LRRC3C: variants seen among roughly 807,000 people sequenced by gnomAD.
LRRC3C encodes leucine-rich repeat-containing protein 3C.
LRRC3C carries 11 observed loss-of-function variants against 14.8 expected under a neutral mutation model. The observed-to-expected ratio is 0.74, with a 90% CI of 0.47 to 1.23. LRRC3C has a LOEUF of 1.23. LRRC3C is among the 50% of genes most tolerant of loss of function. The probability of loss-of-function intolerance (pLI) is 0.00; values close to 1 mark genes in which losing one functional copy is unlikely to be tolerated. For synonymous variants in LRRC3C, 149 were observed against 161.5 expected (o/e 0.92, Z 0.59); for missense variants, 354 against 361.8 (o/e 0.98, Z 0.18).
At chr17:39,938,663 T>C (rs533449260) in intron 2 of LRRC3C, among the ~76,000 whole-genome samples, 1 of 151,724 alleles carries the variant, frequency 6.6e-6, no homozygotes, top group East Asian at 1.9e-4. Context: ...GTGTTTGCAT[T>C]CCAGCCCGGG....
In LRRC3C at chr17:39,944,458, C is replaced by T. The variant is rs995664276; in HGVS notation, c.552C>T (p.Gly184=). 2.7e-6 allele frequency: 4 copies of T among 1,487,562 alleles called. No homozygotes were observed. In the African/African-American group the frequency reaches 5.6e-5, roughly 21 times the overall value. 92.1% of individuals were successfully genotyped at this position (1,487,562 alleles called of 1,614,324 possible). Residue 184 remains glycine (G), a synonymous_variant, in exon 4 of 4, where the codon GGC becomes GGT. Coordinates refer to ENST00000377924, the MANE Select transcript of LRRC3C (RefSeq NM_001195545.2). ...QVRLVPGTGT[G]IVCGSGARPD... ...GGCTGGTGCCGGGCACTGGGACAGG[C>T]ATCGTGTGTGGCTCAGGAGCCCGAC...
chr17:39,944,668 C>T lies in LRRC3C; in HGVS notation c.762C>T (p.Ser254=). 3 of 1,536,018 alleles carry T rather than the reference C, an allele frequency of 2.0e-6. No homozygotes were observed. Among genetic ancestry groups the T allele is most frequent in the Non-Finnish European group, 2.6e-6 (3 of 1,146,900 alleles). The change falls in exon 4 of 4, where the codon TCC becomes TCT. Residue 254 remains serine, a synonymous_variant. Coordinates refer to ENST00000377924, the MANE Select transcript of LRRC3C (RefSeq NM_001195545.2). ...AGAACCGAGATGAGACCAGGCGCTC[C>T]CTCAAGCGGGCCCCAGTGCTGCCCG... ...VWQNRDETRR[S]LKRAPVLPVR...
intron 1 of LRRC3C, among the ~76,000 whole-genome samples, chr17:39,931,142 C>CA (rs780151052): frequency 0.023 from 2,720 of 118,520 alleles, 79 homozygotes; most frequent in African/African-American, 0.079. Flanking sequence ...AACTTCATCT[C>CA]AAAAAAAAAA....
rs1199964968 is a variant in LRRC3C at position 39,944,615 on chromosome 17, GT to G, written c.710del (p.Val237GlyfsTer86). ...VTMGGWLTLMVAYLVHYVWQN... is the reference protein window; with the variant it reads ...VTMGGWLTLMXAYLVHYVWQN... ...CATGGGGGGCTGGCTGACACTCATG[GT>G]GGCTTATCTGGTGCATTATGTGTGG... On this transcript the variant is annotated frameshift_variant, in exon 4 of 4. Coordinates refer to ENST00000377924, the MANE Select transcript of LRRC3C (RefSeq NM_001195545.2). LOFTEE classifies it high-confidence loss of function. The G allele has an allele frequency of 6.5e-7, 1 of 1,535,944 alleles. No individual in the cohort carries two copies. The highest frequency in any genetic ancestry group is 2.4e-5 in the East Asian group (1 of 40,898).
chr17:39,932,599 G>C (rs1406217643), intron 1 of LRRC3C, among the ~76,000 whole-genome samples: 1 of 144,216 alleles, frequency 6.9e-6, no homozygotes, highest in African/African-American at 2.6e-5. Context: ...GCATGTTCCC[G>C]TAGTCCCAGC....
Position 39,944,484 on chromosome 17 carries a change from C to T in LRRC3C, c.578C>T (p.Pro193Leu), listed in dbSNP as rs564368868. 16 of 1,474,818 alleles carry T rather than the reference C, an allele frequency of 1.1e-5. No individual in the cohort carries two copies. The highest frequency in any genetic ancestry group is 1.3e-5 in the South Asian group (1 of 75,110). 91.4% of individuals were successfully genotyped at this position (1,474,818 alleles called of 1,614,324 possible). Residue 193 changes from proline to leucine, a missense_variant, in exon 4 of 4, where the codon CCG (proline) becomes CTG (leucine). Physicochemically the swap from Pro to Leu is moderately conservative, Grantham distance 98. Coordinates refer to ENST00000377924, the MANE Select transcript of LRRC3C (RefSeq NM_001195545.2). ...TGIVCGSGAR[P>L]DLVGQEFLLL... is the part of the protein sequence containing the mutation. ...ATCGTGTGTGGCTCAGGAGCCCGAC[C>T]GGACCTCGTGGGGCAGGAGTTCCTG...
chr17:39,935,867 C>T lies in LRRC3C; in HGVS notation c.-109C>T, dbSNP rs934871956. The stretch of plus-strand genomic sequence containing the variant: ...AACTGCCCAGTAACCTGGCATTAGA[C>T]GGGTCCCTGGCTGACCTGATAAAGA... On this transcript the variant is annotated 5_prime_UTR_variant, in exon 2 of 4. In the 5' UTR this introduces an upstream ATG that the reference lacks. Transcript: ENST00000377924. 7.3e-5 allele frequency: 72 copies of T among 985,310 alleles called. No homozygotes were observed. The highest frequency in any genetic ancestry group is 5.2e-4 in the Middle Eastern group (1 of 1,936). The allele number at this position is 985,310 out of a possible 1,614,324, so 61.0% of individuals were successfully genotyped here.
chr17:39,931,186 C>T (rs35557848), intron 1 of LRRC3C, among the ~76,000 whole-genome samples: 24,249 of 150,324 alleles, frequency 0.16, 2,613 homozygotes, highest in Non-Finnish European at 0.23. Context: ...TTGGATCACA[C>T]CTGTAATCCC....
rs28575492 is a variant in LRRC3C at position 39,933,711 on chromosome 17, C to A, written c.-174-2091C>A. On this transcript the variant is annotated intron_variant, in intron 1 of 3. Coordinates refer to ENST00000377924, the MANE Select transcript of LRRC3C (RefSeq NM_001195545.2). ...TGGCGCCACAGCACTCCAGCCTGGG[C>A]GACAGAGCAAGACTCCGTCTCAAAA... Among the ~76,000 whole-genome samples, 667 of 151,984 alleles carry A rather than the reference C, an allele frequency of 4.4e-3. 2 individuals are homozygous for A. The highest frequency in any genetic ancestry group is 0.015 in the African/African-American group (637 of 41,464).
At position 39,941,453 on chromosome 17, in the gene LRRC3C, C is replaced by A; in HGVS notation, c.-71C>A. The stretch of plus-strand genomic sequence containing the variant: ...TTATTTTGCACTCAGCTCTACAATT[C>A]CGTGTCCAGTCCTGGTCACCCATAG... On this transcript the variant is annotated 5_prime_UTR_variant, in exon 3 of 4. Coordinates refer to ENST00000377924, the MANE Select transcript of LRRC3C (RefSeq NM_001195545.2). The A allele has an allele frequency of 7.7e-7, 1 of 1,291,932 alleles. No homozygotes were observed. The highest frequency in any genetic ancestry group is 1.1e-6 in the Non-Finnish European group (1 of 925,844). The allele number at this position is 1,291,932 out of a possible 1,614,324, so 80.0% of individuals were successfully genotyped here. A position where few individuals can be genotyped will look rare whatever the true frequency, so the allele number is the denominator to read the frequency against.
At chr17:39,931,155 A>AT (rs1468116082) in intron 1 of LRRC3C, among the ~76,000 whole-genome samples, 2 of 150,472 alleles carry the variant, frequency 1.3e-5, no homozygotes, top group East Asian at 3.9e-4. Flanking sequence ...AAAAAAAAAA[A>AT]GTCTTCCTTG....
rs1452398124 is a variant in LRRC3C, at chr17:39,943,981, A to T, written c.75A>T (p.Thr25=). ...GLCQFMAMLP[T]AGHLLPLLLV... ...GCCAATTTATGGCCATGCTCCCAAC[A>T]GCAGGTCACCTCCTGCCCCTCCTGC... Residue 25 remains threonine, a synonymous_variant, in exon 4 of 4, where the codon ACA becomes ACT. Transcript: ENST00000377924. 4.6e-6 allele frequency: 7 copies of T among 1,536,002 alleles called. No individual in the cohort carries two copies. The highest frequency in any genetic ancestry group is 2.0e-5 in the Admixed American group (1 of 50,984).
At chr17:39,933,719 C>A (rs920755255) in intron 1 of LRRC3C, among the ~76,000 whole-genome samples, 7 of 151,944 alleles carry the variant, frequency 4.6e-5, no homozygotes, top group Non-Finnish European at 1.0e-4. Flanking sequence ...GGCGACAGAG[C>A]AAGACTCCGT....
rs558201673 is a variant in LRRC3C, at chr17:39,930,203, G to A, written c.-175+2389G>A. Reference sequence around the variant, plus strand: ...TGAGGTGGGAGGATCAATTGAGCCCGGGAGGTCAAGGCTGCAGTGAGCTGT... The same window carrying A: ...TGAGGTGGGAGGATCAATTGAGCCCAGGAGGTCAAGGCTGCAGTGAGCTGT... On this transcript the variant is annotated intron_variant, in intron 1 of 3. Transcript: ENST00000377924. 7.7e-4 allele frequency among the ~76,000 whole-genome samples: 113 copies of A among 146,394 alleles called. No individual in the cohort carries two copies. The Middle Eastern group carries it at 0.011, about 14-fold the overall frequency.
chr17:39,933,822 A>T (rs1978724166), intron 1 of LRRC3C, among the ~76,000 whole-genome samples: 1 of 152,142 alleles, frequency 6.6e-6, no homozygotes, highest in African/African-American at 2.4e-5. Context: ...CTCCTCCCCC[A>T]CCTGCTTCCT....
intron 2 of LRRC3C, among the ~76,000 whole-genome samples, chr17:39,936,966 AT>A (rs150802119): frequency 0.073 from 11,020 of 151,930 alleles, 532 homozygotes; most frequent in South Asian, 0.17. Context: ...TATTAAAAAA[AT>A]AATAACATTA....
chr17:39,932,682 T>A (rs1369522252), intron 1 of LRRC3C, among the ~76,000 whole-genome samples: 2 of 151,296 alleles, frequency 1.3e-5, no homozygotes, highest in Non-Finnish European at 2.9e-5. Context: ...ATGATCTCGC[T>A]AGGAATTCGA....
At chr17:39,937,085 C>T (rs770532759) in intron 2 of LRRC3C, among the ~76,000 whole-genome samples, 23 of 146,742 alleles carry the variant, frequency 1.6e-4, no homozygotes, top group Non-Finnish European at 2.9e-4. Flanking sequence ...TGCAGTGAGC[C>T]GAGATCAAGC....
chr17:39,938,921 G>T (rs6503525), intron 2 of LRRC3C, among the ~76,000 whole-genome samples: 1 of 151,558 alleles, frequency 6.6e-6, no homozygotes, highest in South Asian at 2.1e-4. Flanking sequence ...GGGAAGTGAA[G>T]GTTGTAGTGA....
Sources: gnomAD v4.1 joint callset for allele counts (sites outside exome capture counted in the v4.1 genomes callset) on GRCh38, gnomAD v4.1.1 for gene constraint, MANE v1.5 for transcripts, NCBI Gene and HGNC (gene_info 2026-07-23, HGNC 2026-07-21) for gene names.